Variants in BLTP3A observed in about 807,000 individuals in gnomAD.
The protein encoded by BLTP3A is ICBP90 binding protein 1.
the BLTP3A span, chr6:34,821,941 C>T: frequency 1.9e-6 from 3 of 1,614,250 alleles, no homozygotes; most frequent in Non-Finnish European, 2.5e-6. Context: ...GTTGAAGACA[C>T]ACCCTATTTG....
chr6:34,794,777 G>T, the BLTP3A span, among the ~76,000 whole-genome samples: 1 of 141,988 alleles, frequency 7.0e-6, no homozygotes, highest in Admixed American at 7.0e-5. Flanking sequence ...TCCTATGAAC[G>T]TAGAGTTTTT....
the BLTP3A span, among the ~76,000 whole-genome samples, chr6:34,822,531 G>T: frequency 3.3e-5 from 5 of 152,126 alleles, no homozygotes; most frequent in Admixed American, 2.6e-4. Flanking sequence ...GAGCCACCGC[G>T]CCTGGCACTC....
the BLTP3A span, among the ~76,000 whole-genome samples, chr6:34,855,097 T>C: frequency 0.025 from 3,769 of 152,330 alleles, 183 homozygotes; most frequent in East Asian, 0.22. Flanking sequence ...ATGTCCTGTT[T>C]GTGTAGTGTT....
At chr6:34,820,421 G>A in the BLTP3A span, among the ~76,000 whole-genome samples, 1 of 152,040 alleles carries the variant, frequency 6.6e-6, no homozygotes, top group Non-Finnish European at 1.5e-5. Context: ...CCCAGTGTCA[G>A]TTACTGTTGT....
chr6:34,863,200 C>T, the BLTP3A span, among the ~76,000 whole-genome samples: 1 of 152,170 alleles, frequency 6.6e-6, no homozygotes, highest in African/African-American at 2.4e-5. Context: ...AGTCACTGCG[C>T]CCGGCCTGAG....
the BLTP3A span, among the ~76,000 whole-genome samples, chr6:34,844,898 C>T: frequency 6.6e-6 from 1 of 152,094 alleles, no homozygotes; most frequent in African/African-American, 2.4e-5. Context: ...TTGCTTGTAC[C>T]TTGGGAGCAT....
the BLTP3A span, chr6:34,836,339 C>A: frequency 6.2e-7 from 1 of 1,613,818 alleles, no homozygotes. Context: ...TAGCCAGTCC[C>A]GAGAGCCAGG....
At chr6:34,870,948 T>A in the BLTP3A span, 4 of 1,614,060 alleles carry the variant, frequency 2.5e-6, no homozygotes, top group African/African-American at 4.0e-5. Context: ...CAGCTGTTCA[T>A]TCCCCCCTGG....
At chr6:34,863,729 G>T in the BLTP3A span, among the ~76,000 whole-genome samples, 1 of 152,280 alleles carries the variant, frequency 6.6e-6, no homozygotes, top group Middle Eastern at 3.4e-3. Context: ...TCTGAGTCTG[G>T]GATGACCTTG....
At chr6:34,797,001 C>G in the BLTP3A span, among the ~76,000 whole-genome samples, 70 of 152,214 alleles carry the variant, frequency 4.6e-4, 1 homozygote, top group African/African-American at 1.7e-3. Flanking sequence ...CTGCGCCCGG[C>G]CCTGAGCCTT....
the BLTP3A span, among the ~76,000 whole-genome samples, chr6:34,808,043 A>ATAGAAATC: frequency 6.7e-6 from 1 of 149,864 alleles, no homozygotes; most frequent in Non-Finnish European, 1.5e-5. Flanking sequence ...CTGTCTAATA[A>ATAGAAATC]TAAGAATAGA....
At chr6:34,833,081 G>A in the BLTP3A span, among the ~76,000 whole-genome samples, 1 of 152,060 alleles carries the variant, frequency 6.6e-6, no homozygotes, top group South Asian at 2.1e-4. Context: ...TATTCTTTGG[G>A]AAGCACAGTT....
the BLTP3A span, among the ~76,000 whole-genome samples, chr6:34,836,513 G>GT: frequency 1.3e-4 from 20 of 152,326 alleles, no homozygotes; most frequent in Admixed American, 1.2e-3. Context: ...TGGTAGCCCT[G>GT]TTGTTTGAGG....
chr6:34,859,321 C>T, the BLTP3A span: 1 of 1,613,926 alleles, frequency 6.2e-7, no homozygotes, highest in East Asian at 2.2e-5. Context: ...CTCCAGCTCA[C>T]CAGCTGCATT....
chr6:34,860,016 C>T, the BLTP3A span, among the ~76,000 whole-genome samples: 1 of 151,932 alleles, frequency 6.6e-6, no homozygotes, highest in Non-Finnish European at 1.5e-5. Context: ...TGATTTGATC[C>T]CCACAGCAGC....
At chr6:34,823,150 C>A in the BLTP3A span, 1 of 905,468 alleles carries the variant, frequency 1.1e-6, no homozygotes. Context: ...ATGGGTATAG[C>A]ACTTGACTAG....
At chr6:34,866,707 A>G in the BLTP3A span, among the ~76,000 whole-genome samples, 1 of 152,202 alleles carries the variant, frequency 6.6e-6, no homozygotes, top group Non-Finnish European at 1.5e-5. Flanking sequence ...CTTGCGAAAC[A>G]GAAACTCTGT....
At chr6:34,863,977 G>GGTT in the BLTP3A span, 1 of 1,540,510 alleles carries the variant, frequency 6.5e-7, no homozygotes, top group South Asian at 1.2e-5. Context: ...CCACATTTGT[G>GGTT]GTTTTTGTTT....
the BLTP3A span, among the ~76,000 whole-genome samples, chr6:34,865,443 T>C: frequency 6.6e-6 from 1 of 152,256 alleles, no homozygotes; most frequent in African/African-American, 2.4e-5. Context: ...TGTTCATTGG[T>C]TGATGAACAC....
Sources: gnomAD v4.1 joint callset for allele counts (sites outside exome capture counted in the v4.1 genomes callset) on GRCh38, gnomAD v4.1.1 for gene constraint, MANE v1.5 for transcripts, NCBI Gene and HGNC (gene_info 2026-07-23, HGNC 2026-07-21) for gene names.